Variants in NKAIN2 observed in about 807,000 individuals in gnomAD.
The protein encoded by NKAIN2 is sodium/potassium transporting ATPase interacting 2, also known as sodium/potassium-transporting ATPase subunit beta-1-interacting protein 2.
In NKAIN2, 14 loss-of-function variants were observed where a neutral mutation model predicts 32.6. The ratio of observed to expected loss-of-function variants is 0.43; its 90% CI spans 0.28 to 0.67. The LOEUF is 0.67. Among genes scored for constraint, NKAIN2 ranks in the 30% least tolerant of loss-of-function variants. NKAIN2 has a pLI of 0.17. For missense variants in NKAIN2, 198 were observed against 258.3 expected (o/e 0.77, Z 1.60); for synonymous variants, 80 against 87.2 (o/e 0.92, Z 0.46).
At chr6:124,023,583 G>A (rs2114766427) in intron 1 of NKAIN2, among the ~76,000 whole-genome samples, 1 of 152,074 alleles carries the variant, frequency 6.6e-6, no homozygotes, top group East Asian at 1.9e-4. Context: ...AAACATCTTT[G>A]TTTTATTATT....
intron 3 of NKAIN2, among the ~76,000 whole-genome samples, chr6:124,479,730 G>A: frequency 6.6e-6 from 1 of 152,110 alleles, no homozygotes; most frequent in East Asian, 1.9e-4. Flanking sequence ...AAAGCCTATA[G>A]TCGCATACAA....
chr6:124,669,947 G>A (rs560624124), intron 4 of NKAIN2, among the ~76,000 whole-genome samples: 108 of 152,034 alleles, frequency 7.1e-4, no homozygotes, highest in Middle Eastern at 3.4e-3. Context: ...ATCACTGTCA[G>A]GATAAATATC....
chr6:123,986,988 T>C (rs1779167859), intron 1 of NKAIN2, among the ~76,000 whole-genome samples: 1 of 152,176 alleles, frequency 6.6e-6, no homozygotes, highest in Non-Finnish European at 1.5e-5. Context: ...CGTGAATATC[T>C]TAAACACATT....
intron 1 of NKAIN2, among the ~76,000 whole-genome samples, chr6:124,042,742 A>G (rs928527863): frequency 1.5e-4 from 23 of 152,106 alleles, no homozygotes; most frequent in Non-Finnish European, 2.8e-4. Context: ...TCAATTTCCT[A>G]TATTTCTAAA....
intron 3 of NKAIN2, among the ~76,000 whole-genome samples, chr6:124,482,545 A>C (rs1017323080): frequency 6.6e-6 from 1 of 152,188 alleles, no homozygotes; most frequent in Non-Finnish European, 1.5e-5. Context: ...TACGGGCGAA[A>C]TCCTTAAGAG....
intron 3 of NKAIN2, among the ~76,000 whole-genome samples, chr6:124,589,088 ATATACT>A (rs1461134633): frequency 3.3e-5 from 5 of 152,240 alleles, no homozygotes; most frequent in Non-Finnish European, 7.3e-5. Context: ...CCAGAAAAGT[ATATACT>A]TATATAGTTA....
intron 1 of NKAIN2, among the ~76,000 whole-genome samples, chr6:123,881,816 C>A (rs1773469660): frequency 6.6e-6 from 1 of 152,084 alleles, no homozygotes; most frequent in African/African-American, 2.4e-5. Flanking sequence ...GAAACAAACT[C>A]ATAAATATGT....
intron 1 of NKAIN2, among the ~76,000 whole-genome samples, chr6:124,086,443 A>G (rs1226585627): frequency 1.3e-5 from 2 of 151,992 alleles, no homozygotes; most frequent in Non-Finnish European, 2.9e-5. Context: ...TATTGTAAGC[A>G]GTATTCCTTT....
chr6:123,906,243 C>G (rs886666997), intron 1 of NKAIN2, among the ~76,000 whole-genome samples: 3 of 151,866 alleles, frequency 2.0e-5, no homozygotes, highest in Non-Finnish European at 2.9e-5. Context: ...GTGGAATTAT[C>G]CACTTTCATT....
intron 1 of NKAIN2, among the ~76,000 whole-genome samples, chr6:124,068,228 C>T (rs1222125634): frequency 6.6e-6 from 1 of 151,972 alleles, no homozygotes; most frequent in Non-Finnish European, 1.5e-5. Context: ...GTTTTAGTAG[C>T]TCTTGAGTTA....
chr6:124,146,160 T>C (rs1787385993), intron 1 of NKAIN2, among the ~76,000 whole-genome samples: 1 of 152,142 alleles, frequency 6.6e-6, no homozygotes, highest in Non-Finnish European at 1.5e-5. Context: ...TAATCAACAT[T>C]ATCTCAATAA....
At chr6:123,974,860 T>C (rs1778485486) in intron 1 of NKAIN2, among the ~76,000 whole-genome samples, 1 of 152,174 alleles carries the variant, frequency 6.6e-6, no homozygotes, top group African/African-American at 2.4e-5. Flanking sequence ...TTATTAACAT[T>C]TTGTCTTGCT....
chr6:124,799,099 A>G (rs1270228237), intron 5 of NKAIN2, among the ~76,000 whole-genome samples: 2 of 152,236 alleles, frequency 1.3e-5, no homozygotes, highest in Non-Finnish European at 2.9e-5. Flanking sequence ...CATTTTCTAA[A>G]CAAGAGTAAG....
intron 3 of NKAIN2, among the ~76,000 whole-genome samples, chr6:124,476,757 A>G (rs1408870219): frequency 2.0e-5 from 3 of 152,146 alleles, no homozygotes; most frequent in South Asian, 2.1e-4. Context: ...CCCAATCTTG[A>G]TAACAATGAT....
chr6:124,478,736 G>T (rs1294859786), intron 3 of NKAIN2, among the ~76,000 whole-genome samples: 2 of 152,152 alleles, frequency 1.3e-5, no homozygotes, highest in African/African-American at 4.8e-5. Flanking sequence ...CTCCTGTGCA[G>T]CAGTATTCCA....
chr6:124,555,122 C>T (rs1780425905), intron 3 of NKAIN2, among the ~76,000 whole-genome samples: 1 of 152,210 alleles, frequency 6.6e-6, no homozygotes, highest in African/African-American at 2.4e-5. Context: ...GCCAGAATCT[C>T]AACTTCTTTC....
chr6:124,590,938 G>A (rs560614574), intron 3 of NKAIN2, among the ~76,000 whole-genome samples: 40 of 152,244 alleles, frequency 2.6e-4, no homozygotes, highest in Non-Finnish European at 4.4e-4. Flanking sequence ...TCACTCAAGG[G>A]GTACATGATG....
intron 1 of NKAIN2, among the ~76,000 whole-genome samples, chr6:124,043,867 A>G (rs761699488): frequency 3.9e-5 from 6 of 152,122 alleles, no homozygotes; most frequent in Non-Finnish European, 7.4e-5. Flanking sequence ...ATGTTGCACA[A>G]CAATGGATCA....
intron 1 of NKAIN2, among the ~76,000 whole-genome samples, chr6:124,021,529 C>T (rs894392798): frequency 1.3e-5 from 2 of 151,890 alleles, no homozygotes; most frequent in African/African-American, 4.8e-5. Context: ...ATACTATCTT[C>T]TCCAATCATT....
Sources: allele counts gnomAD v4.1 joint callset (sites outside exome capture counted in the v4.1 genomes callset), GRCh38; gene constraint gnomAD v4.1.1; transcripts MANE v1.5; gene names NCBI Gene and HGNC (gene_info 2026-07-23, HGNC 2026-07-21).